Variants in MAGI1 observed in about 807,000 individuals in gnomAD.
MAGI1 encodes the protein membrane associated guanylate kinase, WW and PDZ domain containing 1.
Under a neutral mutation model 139.9 loss-of-function variants are expected in MAGI1, and 58 were observed. The ratio of observed to expected loss-of-function variants is 0.41; its 90% CI spans 0.34 to 0.52. MAGI1 has a LOEUF of 0.52. MAGI1 is among the 20% of genes least tolerant of loss of function. The probability of loss-of-function intolerance (pLI) is 0.12; values close to 1 mark genes in which losing one functional copy is unlikely to be tolerated. For missense variants in MAGI1, 1,874 were observed against 1,901.6 expected (o/e 0.99, Z 0.27); for synonymous variants, 812 against 737.9 (o/e 1.10, Z -1.63).
intron 3 of MAGI1, among the ~76,000 whole-genome samples, chr3:65,489,270 C>G (rs1262619619): frequency 1.3e-5 from 2 of 152,118 alleles, no homozygotes. Flanking sequence ...AACATAAGCA[C>G]CTTCAAAGTC....
At chr3:65,579,116 G>GT (rs1315751121) in intron 2 of MAGI1, among the ~76,000 whole-genome samples, 17 of 152,198 alleles carry the variant, frequency 1.1e-4, no homozygotes, top group Non-Finnish European at 1.5e-4. Flanking sequence ...TATCCATTGT[G>GT]TATGAATCAC....
chr3:65,630,034 G>A (rs2084203888), intron 1 of MAGI1, among the ~76,000 whole-genome samples: 1 of 152,184 alleles, frequency 6.6e-6, no homozygotes, highest in Non-Finnish European at 1.5e-5. Flanking sequence ...AAAATCACCT[G>A]TGACTTCATT....
At chr3:65,586,506 G>A (rs1447195438) in intron 2 of MAGI1, among the ~76,000 whole-genome samples, 1 of 152,056 alleles carries the variant, frequency 6.6e-6, no homozygotes, top group Non-Finnish European at 1.5e-5. Context: ...GAAACTCAGA[G>A]CACTGCATAC....
intron 1 of MAGI1, among the ~76,000 whole-genome samples, chr3:65,994,821 G>A (rs2066355689): frequency 6.6e-6 from 1 of 152,200 alleles, no homozygotes; most frequent in African/African-American, 2.4e-5. Context: ...GGCACATGAA[G>A]TGGGTTTCAC....
chr3:65,971,075 C>T (rs1390638328), intron 1 of MAGI1, among the ~76,000 whole-genome samples: 2 of 152,184 alleles, frequency 1.3e-5, no homozygotes, highest in African/African-American at 2.4e-5. Flanking sequence ...TGGTGGCGGG[C>T]GCCTGTAGTC....
chr3:65,510,759 A>T (rs1293769596), intron 2 of MAGI1, among the ~76,000 whole-genome samples: 3 of 131,896 alleles, frequency 2.3e-5, no homozygotes, highest in Admixed American at 8.0e-5. Flanking sequence ...AACTTCCCCA[A>T]TCTAGCAAGG....
chr3:65,863,552 T>C (rs1218027956), intron 1 of MAGI1, among the ~76,000 whole-genome samples: 1 of 152,184 alleles, frequency 6.6e-6, no homozygotes, highest in Non-Finnish European at 1.5e-5. Flanking sequence ...TTGATGTAAG[T>C]TCTTTGCAGG....
intron 1 of MAGI1, among the ~76,000 whole-genome samples, chr3:65,928,882 T>C (rs1405591954): frequency 6.6e-6 from 1 of 152,148 alleles, no homozygotes; most frequent in African/African-American, 2.4e-5. Context: ...ACCCCGAAGA[T>C]GACTGAAACA....
chr3:65,804,606 C>T (rs2040727891), intron 1 of MAGI1, among the ~76,000 whole-genome samples: 1 of 149,770 alleles, frequency 6.7e-6, no homozygotes, highest in Non-Finnish European at 1.5e-5. Context: ...TTTCTGTACA[C>T]ATCATGAACT....
chr3:65,953,801 G>T (rs113739692), intron 1 of MAGI1, among the ~76,000 whole-genome samples: 64 of 152,314 alleles, frequency 4.2e-4, no homozygotes, highest in African/African-American at 1.5e-3. Context: ...CTGAAAGAGA[G>T]AAGCAGATAA....
At chr3:65,895,899 G>C (rs1451996119) in intron 1 of MAGI1, among the ~76,000 whole-genome samples, 2 of 152,180 alleles carry the variant, frequency 1.3e-5, no homozygotes, top group African/African-American at 4.8e-5. Context: ...TAATTATTCA[G>C]CATTCCTTAG....
At chr3:65,935,070 G>A (rs542634911) in intron 1 of MAGI1, among the ~76,000 whole-genome samples, 1 of 152,278 alleles carries the variant, frequency 6.6e-6, no homozygotes, top group South Asian at 2.1e-4. Context: ...GATCAAAGAA[G>A]AGAGGTTACA....
intron 4 of MAGI1, among the ~76,000 whole-genome samples, chr3:65,473,174 A>G (rs1950657444): frequency 1.3e-5 from 2 of 152,298 alleles, no homozygotes; most frequent in South Asian, 2.1e-4. Context: ...CATCAAAATT[A>G]TGATTAATTT....
intron 1 of MAGI1, among the ~76,000 whole-genome samples, chr3:65,974,438 C>T (rs1037608446): frequency 9.6e-6 from 1 of 103,892 alleles, no homozygotes; most frequent in African/African-American, 3.5e-5. Context: ...TGGATGGATG[C>T]ATGGATTAAC....
At chr3:65,392,946 A>G (rs1285154601) in intron 13 of MAGI1, among the ~76,000 whole-genome samples, 1 of 152,182 alleles carries the variant, frequency 6.6e-6, no homozygotes, top group Non-Finnish European at 1.5e-5. Flanking sequence ...GTCTTGGGAA[A>G]ACTGTATGAG....
intron 13 of MAGI1, 89 bp downstream of exon 13, chr3:65,401,350 A>G: frequency 6.8e-7 from 1 of 1,479,108 alleles, no homozygotes; most frequent in Non-Finnish European, 9.2e-7. Context: ...CATTTAGTGA[A>G]GTGAAGCCAC....
In MAGI1 at chr3:65,876,895, C is replaced by T. The variant is rs577319822; in HGVS notation, c.313+161101G>A. ...ATTAGCTGGGACTACAGGCACCTGC[C>T]ACCACGCCCAGCTAATTTTTTGTAT... On this transcript the variant is annotated intron_variant, in intron 1 of 22. Transcript: ENST00000402939. Among the ~76,000 whole-genome samples the T allele has an allele frequency of 2.8e-4, 43 of 152,112 alleles. No individual in the cohort carries two copies. In the East Asian group the frequency reaches 8.4e-3, roughly 30 times the overall value.
rs537092311 is a variant in MAGI1 at position 65,834,874 on chromosome 3, A to G, written c.313+203122T>C. On this transcript the variant is annotated intron_variant, in intron 1 of 22. Transcript: ENST00000402939. ...GGTAATTTTACTTGCTATGAAGTCT[A>G]CTTTATCTGACATTAATACAGCCAT... is the stretch of plus-strand genomic sequence containing the variant. 7.2e-5 allele frequency among the ~76,000 whole-genome samples: 11 copies of G among 152,232 alleles called. No individual in the cohort carries two copies. The South Asian group carries it at 2.3e-3, about 32-fold the overall frequency.
intron 1 of MAGI1, among the ~76,000 whole-genome samples, chr3:65,971,387 A>T (rs951141749): frequency 6.6e-6 from 1 of 152,134 alleles, no homozygotes; most frequent in Non-Finnish European, 1.5e-5. Context: ...CACCTCTCAT[A>T]ACCCATTATG....
Sources: allele counts gnomAD v4.1 joint callset (sites outside exome capture counted in the v4.1 genomes callset), GRCh38; gene constraint gnomAD v4.1.1; transcripts MANE v1.5; gene names NCBI Gene and HGNC (gene_info 2026-07-23, HGNC 2026-07-21).